The following TRIM33 variants were observed in gnomAD, a reference collection of about 807,000 sequenced individuals.
The protein encoded by TRIM33 is E3 ubiquitin-protein ligase TRIM33.
A neutral mutation model predicts 125.4 loss-of-function variants in TRIM33; 20 were observed. The observed-to-expected ratio is 0.16, with a 90% CI of 0.11 to 0.23. The LOEUF is 0.23. TRIM33 is among the 10% of genes least tolerant of loss of function. The pLI is 1.00. For missense variants in TRIM33, 920 were observed against 1,411.4 expected (o/e 0.65, Z 5.58); for synonymous variants, 564 against 513.9 (o/e 1.10, Z -1.32).
chr1:114,418,910 C>T (rs767265972), intron 11 of TRIM33, among the ~76,000 whole-genome samples: 1 of 152,008 alleles, frequency 6.6e-6, no homozygotes, highest in Non-Finnish European at 1.5e-5. Context: ...ACCCCTTCCT[C>T]CAAACTACCT....
At chr1:114,434,554 T>TA (rs1648162683) in intron 4 of TRIM33, among the ~76,000 whole-genome samples, 1 of 152,240 alleles carries the variant, frequency 6.6e-6, no homozygotes, top group South Asian at 2.1e-4. Flanking sequence ...TAGACTCTAA[T>TA]AACATTTCTT....
chr1:114,481,639 A>ATGTGTGTGTG (rs535478935), intron 1 of TRIM33, among the ~76,000 whole-genome samples: 3 of 142,338 alleles, frequency 2.1e-5, no homozygotes, highest in Non-Finnish European at 4.6e-5. Flanking sequence ...CTATATATAT[A>ATGTGTGTGTG]TGTGTGTGTG....
chr1:114,459,592 A>C (rs551962251), intron 4 of TRIM33, among the ~76,000 whole-genome samples: 2 of 152,338 alleles, frequency 1.3e-5, no homozygotes, highest in South Asian at 4.1e-4. Context: ...CGACATAGCA[A>C]GATCTAACCT....
chr1:114,427,660 A>G, intron 7 of TRIM33, 88 bp downstream of exon 7: 1 of 1,377,838 alleles, frequency 7.3e-7, no homozygotes, highest in Non-Finnish European at 9.8e-7. Flanking sequence ...TGCCAAAATT[A>G]AAATGTATAC....
At chr1:114,455,051 T>C (rs1649541875) in intron 4 of TRIM33, among the ~76,000 whole-genome samples, 1 of 152,192 alleles carries the variant, frequency 6.6e-6, no homozygotes, top group Admixed American at 6.5e-5. Flanking sequence ...ACAGGATCTT[T>C]GGTTTTTAAT....
At chr1:114,453,445 C>A (rs999901295) in intron 4 of TRIM33, among the ~76,000 whole-genome samples, 1 of 151,906 alleles carries the variant, frequency 6.6e-6, no homozygotes, top group South Asian at 2.1e-4. Context: ...TCTAAGAAAC[C>A]GCATGTACAA....
At chr1:114,491,303 G>T (rs1173599221) in intron 1 of TRIM33, among the ~76,000 whole-genome samples, 1 of 152,124 alleles carries the variant, frequency 6.6e-6, no homozygotes, top group Non-Finnish European at 1.5e-5. Flanking sequence ...AATTTTATTT[G>T]CATTGACCTA....
intron 4 of TRIM33, among the ~76,000 whole-genome samples, chr1:114,462,795 T>C (rs73007260): frequency 0.083 from 12,660 of 152,142 alleles, 630 homozygotes; most frequent in African/African-American, 0.14. Context: ...AAAAATACTA[T>C]AGGACACCAA....
intron 4 of TRIM33, among the ~76,000 whole-genome samples, chr1:114,453,364 GAA>G (rs369947780): frequency 5.3e-5 from 7 of 131,010 alleles, no homozygotes; most frequent in Admixed American, 7.7e-5. Context: ...TCTGTCTCAG[GAA>G]AAAAAAAAAA....
At chr1:114,428,755 A>G (rs1394180428) in intron 6 of TRIM33, among the ~76,000 whole-genome samples, 2 of 152,262 alleles carry the variant, frequency 1.3e-5, no homozygotes, top group East Asian at 3.8e-4. Flanking sequence ...TCTACAAAGT[A>G]TAAGAACATA....
chr1:114,482,173 A>G (rs960357405), intron 1 of TRIM33, among the ~76,000 whole-genome samples: 2 of 152,204 alleles, frequency 1.3e-5, no homozygotes. Flanking sequence ...TAAATCATCA[A>G]TTTCATTTAC....
chr1:114,498,898 GAACTTTTAGA>G (rs778539579), intron 1 of TRIM33, among the ~76,000 whole-genome samples: 25 of 151,704 alleles, frequency 1.6e-4, no homozygotes, highest in Non-Finnish European at 2.4e-4. Flanking sequence ...AAAGCATAAT[GAACTTTTAGA>G]AACTTTTAGA....
Position 114,427,827 on chromosome 1 carries a change from T to C in TRIM33, c.1223A>G (p.Gln408Arg). ...TGTGAAGTTCATAACATGCTTCACC[T>C]GCCGGGAAAGGCCTGTGATGTCATT... ...QQNDITGLSR[Q>R]VKHVMNFTNW... The change falls in exon 7 of 20, where the codon CAG (glutamine) becomes CGG (arginine). Residue 408 changes from glutamine to arginine, a missense_variant. Physicochemically the swap from Gln to Arg is conservative, Grantham distance 43. Transcript: ENST00000358465. The C allele has an allele frequency of 1.2e-6, 2 of 1,612,096 alleles. No individual in the cohort carries two copies. The highest frequency in any genetic ancestry group is 1.7e-6 in the Non-Finnish European group (2 of 1,178,912).
Position 114,397,313 on chromosome 1 carries a change from G to A in TRIM33, c.*335C>T. Reference sequence around the variant, plus strand: ...TCTCAAGTATTTACTCGTATACCAAGTATCCTGCACCAATCAATAGCACAC... The same window carrying A: ...TCTCAAGTATTTACTCGTATACCAAATATCCTGCACCAATCAATAGCACAC... On this transcript the variant is annotated 3_prime_UTR_variant, in exon 20 of 20. Transcript: ENST00000358465. The A allele has an allele frequency of 3.1e-6, 1 of 320,004 alleles. No individual in the cohort carries two copies. The highest frequency in any genetic ancestry group is 5.8e-6 in the Non-Finnish European group (1 of 173,438). The allele number at this position is 320,004 out of a possible 1,614,324, so 19.8% of individuals were successfully genotyped here.
intron 1 of TRIM33, among the ~76,000 whole-genome samples, chr1:114,494,648 C>T (rs1002386945): frequency 2.0e-5 from 3 of 152,060 alleles, no homozygotes; most frequent in African/African-American, 7.2e-5. Context: ...AAGCACAACC[C>T]GAACAGGCAA....
chr1:114,470,706 G>C (rs1258199963), intron 1 of TRIM33, among the ~76,000 whole-genome samples: 1 of 152,182 alleles, frequency 6.6e-6, no homozygotes, highest in Non-Finnish European at 1.5e-5. Flanking sequence ...GCTAGAAATT[G>C]TTAAGCTTAG....
intron 11 of TRIM33, among the ~76,000 whole-genome samples, chr1:114,412,473 A>T (rs542892324): frequency 6.6e-6 from 1 of 152,340 alleles, no homozygotes; most frequent in African/African-American, 2.4e-5. Context: ...AGAATAGTGA[A>T]CAGATCATAT....
chr1:114,427,910 A>C lies in TRIM33; in HGVS notation c.1156-16T>G, dbSNP rs772671481. 2 of 1,613,026 alleles carry C rather than the reference A, an allele frequency of 1.2e-6. No individual in the cohort carries two copies. Among genetic ancestry groups the C allele is most frequent in the African/African-American group, 2.7e-5 (2 of 74,888 alleles). On this transcript the variant is annotated splice_polypyrimidine_tract_variant and intron_variant, in intron 6 of 19. Transcript: ENST00000358465. ...TTGTAACATTCTGAAACAGAACAAG[A>C]GCTTCGCTGTAGAATTCCATATGAA...
At chr1:114,468,448 C>T (rs1262541222) in intron 1 of TRIM33, 5 of 348,372 alleles carry the variant, frequency 1.4e-5, no homozygotes, top group East Asian at 1.0e-4. Context: ...AAACAAGTGG[C>T]GCCAGAGCCA....
Sources: allele counts gnomAD v4.1 joint callset (sites outside exome capture counted in the v4.1 genomes callset), GRCh38; gene constraint gnomAD v4.1.1; transcripts MANE v1.5; gene names NCBI Gene and HGNC (gene_info 2026-07-23, HGNC 2026-07-21).